TRIO: variants seen among roughly 807,000 people sequenced by gnomAD.
The protein encoded by TRIO is triple functional domain protein.
In TRIO, 58 loss-of-function variants were observed where a neutral mutation model predicts 351.9. The observed-to-expected ratio is 0.16, with a 90% CI of 0.13 to 0.21. TRIO has a LOEUF of 0.21. Ranked by LOEUF, TRIO falls within the 10% of genes least tolerant of loss-of-function variation. The pLI, the probability that TRIO is intolerant of heterozygous loss-of-function variation, is 1.00. For synonymous variants in TRIO, 1,758 were observed against 1,595.7 expected (o/e 1.10, Z -2.42); for missense variants, 3,201 against 4,027.8 (o/e 0.79, Z 5.56).
At chr5:14,207,291 AGCCAGGTAGCATAGCAAGACTGTCTCT>A (rs1561201638) in intron 1 of TRIO, among the ~76,000 whole-genome samples, 1,768 of 39,606 alleles carry the variant, frequency 0.045, 196 homozygotes, top group Non-Finnish European at 0.054. Context: ...ACACACACAC[AGCCAGGTAGCATAGCAAGACTGTCTCT>A]CACACACACA....
At chr5:14,297,015 A>C in intron 6 of TRIO, 57 bp from the exon 7 acceptor site, 1 of 1,515,954 alleles carries the variant, frequency 6.6e-7, no homozygotes, top group South Asian at 1.3e-5. Flanking sequence ...GCTTCTTAGA[A>C]GGGAGCCTCC....
intron 1 of TRIO, among the ~76,000 whole-genome samples, chr5:14,192,821 T>C (rs1051625732): frequency 6.6e-6 from 1 of 152,234 alleles, no homozygotes; most frequent in Non-Finnish European, 1.5e-5. Context: ...AAAAAATTCT[T>C]AAATCTTTAG....
At chr5:14,488,877 G>A (rs1399916381) in intron 48 of TRIO, 1 of 737,620 alleles carries the variant, frequency 1.4e-6, no homozygotes, top group Non-Finnish European at 2.5e-6. Flanking sequence ...AGGCGGCTCT[G>A]CAGTGCAGGC....
intron 1 of TRIO, among the ~76,000 whole-genome samples, chr5:14,217,578 T>C (rs911170828): frequency 1.3e-5 from 2 of 152,176 alleles, no homozygotes; most frequent in Non-Finnish European, 2.9e-5. Context: ...GTTATTAAAA[T>C]TAGATTTCTG....
At chr5:14,421,530 G>A (rs577642675) in intron 34 of TRIO, among the ~76,000 whole-genome samples, 10 of 151,206 alleles carry the variant, frequency 6.6e-5, no homozygotes, top group Non-Finnish European at 1.2e-4. Flanking sequence ...CTTGGACCCA[G>A]GAGGCAGAGG....
chr5:14,478,985 G>A (rs1755313166), intron 41 of TRIO, among the ~76,000 whole-genome samples: 1 of 151,528 alleles, frequency 6.6e-6, no homozygotes, highest in Non-Finnish European at 1.5e-5. Context: ...ACAAAAAAAT[G>A]TTCTTTTGCT....
chr5:14,342,923 A>G (rs947750787), intron 11 of TRIO, among the ~76,000 whole-genome samples: 4 of 152,196 alleles, frequency 2.6e-5, no homozygotes, highest in African/African-American at 9.7e-5. Context: ...TGTGTGATGG[A>G]GTTATGCCCA....
At chr5:14,281,175 T>C (rs1235678055) in intron 3 of TRIO, among the ~76,000 whole-genome samples, 6 of 152,208 alleles carry the variant, frequency 3.9e-5, no homozygotes, top group Admixed American at 3.9e-4. Context: ...CTCACACTTC[T>C]ATTAAGAAAC....
chr5:14,452,978 C>T (rs1258540985), intron 34 of TRIO, among the ~76,000 whole-genome samples: 1 of 152,162 alleles, frequency 6.6e-6, no homozygotes, highest in Non-Finnish European at 1.5e-5. Flanking sequence ...CTTGTCCTGG[C>T]AGTCCCCGTG....
At chr5:14,443,618 T>G (rs1752228507) in intron 34 of TRIO, among the ~76,000 whole-genome samples, 1 of 152,356 alleles carries the variant, frequency 6.6e-6, no homozygotes, top group South Asian at 2.1e-4. Context: ...GTTAGAGTAC[T>G]TTGGGAAAAG....
chr5:14,289,693 C>T (rs1186284180), intron 4 of TRIO, among the ~76,000 whole-genome samples: 2 of 151,508 alleles, frequency 1.3e-5, no homozygotes, highest in African/African-American at 2.4e-5. Context: ...ACTAAAAATA[C>T]AAAAGAATTA....
At chr5:14,334,420 A>G (rs1741206467) in intron 10 of TRIO, among the ~76,000 whole-genome samples, 1 of 152,218 alleles carries the variant, frequency 6.6e-6, no homozygotes, top group Non-Finnish European at 1.5e-5. Context: ...GTCTCAGATC[A>G]TTCAGAAATG....
In TRIO at chr5:14,143,686, G is replaced by C. The variant is rs954605055; in HGVS notation, c.-40G>C. On this transcript the variant is annotated 5_prime_UTR_variant, in exon 1 of 57. Coordinates refer to ENST00000344204, the MANE Select transcript of TRIO (RefSeq NM_007118.4). ...GGGCGGCACGCGGCGCTAGGGGCGC[G>C]GGGCCCGAGGCGGGCGCGGCCGCGG... 23 of 963,116 alleles carry C rather than the reference G, an allele frequency of 2.4e-5. No individual in the cohort carries two copies. The highest frequency in any genetic ancestry group is 2.7e-5 in the Non-Finnish European group (22 of 813,504). The allele number at this position is 963,116 out of a possible 1,614,324, so 59.7% of individuals were successfully genotyped here. A position where few individuals can be genotyped will look rare whatever the true frequency, so the allele number is the denominator to read the frequency against.
At chr5:14,251,477 A>C (rs1009110779) in intron 1 of TRIO, among the ~76,000 whole-genome samples, 1 of 152,162 alleles carries the variant, frequency 6.6e-6, no homozygotes, top group Admixed American at 6.5e-5. Flanking sequence ...TGAACTGGAG[A>C]TGGCAAGGAA....
chr5:14,359,311 G>C, intron 12 of TRIO, 46 bp from the exon 13 acceptor site: 1 of 1,587,548 alleles, frequency 6.3e-7, no homozygotes, highest in Non-Finnish European at 8.6e-7. Flanking sequence ...ATCTAACAAT[G>C]TGTGACTTTC....
chr5:14,481,921 G>A, intron 45 of TRIO: 1 of 324,804 alleles, frequency 3.1e-6, no homozygotes, highest in Non-Finnish European at 5.6e-6. Context: ...CCTTTCCTCA[G>A]CACTTAAGAC....
chr5:14,420,084 T>C, intron 34 of TRIO, 63 bp downstream of exon 34: 2 of 1,568,486 alleles, frequency 1.3e-6, no homozygotes, highest in Non-Finnish European at 1.7e-6. Context: ...GCGCTCTGTC[T>C]CCGCGCCTCT....
rs575356098 is a variant in TRIO at position 14,482,591 on chromosome 5, G to A, written c.6475G>A (p.Val2159Ile). The A allele has an allele frequency of 1.5e-5, 21 of 1,438,854 alleles. No homozygotes were observed. Among genetic ancestry groups the A allele is most frequent in the South Asian group, 7.8e-5 (5 of 64,164 alleles). The allele number at this position is 1,438,854 out of a possible 1,614,324, so 89.1% of individuals were successfully genotyped here. A position where few individuals can be genotyped will look rare whatever the true frequency, so the allele number is the denominator to read the frequency against. ...GRLQGFDGKI[V>I]AQGKLLLQDT... ...TTATTTCTTGTTTTAGGGGAAAATCGTTGCCCAGGGTAAACTGCTCTTGCA... is the reference window on the plus strand; with the variant it reads ...TTATTTCTTGTTTTAGGGGAAAATCATTGCCCAGGGTAAACTGCTCTTGCA... The change falls in exon 46 of 57, where the codon GTT becomes ATT. Residue 2159 changes from valine (V) to isoleucine (I), a missense_variant. By Grantham distance (29) the Val-to-Ile change is conservative. Around this residue, in one of 19 missense-constraint regions of TRIO, gnomAD observed 307 missense variants for 396.5 expected, o/e 0.77. Coordinates refer to ENST00000344204, the MANE Select transcript of TRIO (RefSeq NM_007118.4).
intron 1 of TRIO, among the ~76,000 whole-genome samples, chr5:14,258,979 G>A (rs533270340): frequency 2.0e-5 from 3 of 152,194 alleles, no homozygotes; most frequent in African/African-American, 7.2e-5. Flanking sequence ...GAGTTCCTAA[G>A]TACCAACCTC....
Sources: gnomAD v4.1 joint callset for allele counts (sites outside exome capture counted in the v4.1 genomes callset) on GRCh38, gnomAD v4.1.1 for gene constraint, gnomAD v4.1.1 regional missense constraint, MANE v1.5 for transcripts, NCBI Gene and HGNC (gene_info 2026-07-23, HGNC 2026-07-21) for gene names.